Variants in USP34 observed in about 807,000 individuals in gnomAD.
USP34 encodes the protein ubiquitin specific peptidase 34, also known as ubiquitin carboxyl-terminal hydrolase 34.
USP34 carries 70 observed loss-of-function variants against 460.3 expected under a neutral mutation model. The ratio of observed to expected loss-of-function variants is 0.15; its 90% confidence interval spans 0.13 to 0.19. The LOEUF (loss-of-function observed/expected upper bound fraction) is 0.19, where lower values mean the gene tolerates loss of function less well. USP34 is among the 10% of genes least tolerant of loss of function. The pLI, the probability that USP34 is intolerant of heterozygous loss-of-function variation, is 1.00. For missense variants in USP34, 3,985 were observed against 4,236.2 expected (o/e 0.94, Z 1.65); for synonymous variants, 1,647 against 1,405.3 (o/e 1.17, Z -3.85).
chr2:61,380,535 T>C (rs1256670884), intron 6 of USP34, among the ~76,000 whole-genome samples, 174 bp from the exon 7 acceptor site: 1 of 152,224 alleles, frequency 6.6e-6, no homozygotes, highest in Non-Finnish European at 1.5e-5. Flanking sequence ...CCTTCTCTGC[T>C]GTCCAACCTT....
chr2:61,216,689 C>T (rs985342341), intron 67 of USP34, among the ~76,000 whole-genome samples: 18 of 152,086 alleles, frequency 1.2e-4, no homozygotes, highest in Middle Eastern at 3.4e-3. Flanking sequence ...GAGGCCAAGG[C>T]GGGCAGATCA....
intron 21 of USP34, among the ~76,000 whole-genome samples, chr2:61,320,294 C>A (rs917082440): frequency 1.3e-5 from 2 of 152,190 alleles, no homozygotes; most frequent in African/African-American, 4.8e-5. Flanking sequence ...CAGTAACTAA[C>A]CTTGACCAGG....
intron 10 of USP34, among the ~76,000 whole-genome samples, chr2:61,352,193 A>C (rs1338340324): frequency 1.3e-5 from 2 of 152,144 alleles, no homozygotes; most frequent in African/African-American, 2.4e-5. Context: ...TTCAAATTTT[A>C]GAGTTTTGGA....
In USP34 at chr2:61,246,395, C is replaced by T. The variant is rs369617460; in HGVS notation, c.6477G>A (p.Thr2159=). The change falls in exon 50 of 80, where the codon ACG becomes ACA. Residue 2159 remains threonine (T), a synonymous_variant. Coordinates refer to ENST00000398571, the MANE Select transcript of USP34 (RefSeq NM_014709.4). Reference sequence around the variant, plus strand: ...AGCTATAATAGTGTCCACCATCTGCCGTTCCTGTGTGAACAGTCACTCCTA... The same window carrying T: ...AGCTATAATAGTGTCCACCATCTGCTGTTCCTGTGTGAACAGTCACTCCTA... The part of the protein sequence containing the change: ...DLIGVTVHTG[T]ADGGHYYSFI... The T allele has an allele frequency of 5.6e-6, 9 of 1,610,908 alleles. No individual in the cohort carries two copies. Among genetic ancestry groups the T allele is most frequent in the East Asian group, 2.2e-5 (1 of 44,700 alleles).
chr2:61,415,490 G>A (rs975516561), intron 2 of USP34, among the ~76,000 whole-genome samples: 2 of 152,134 alleles, frequency 1.3e-5, no homozygotes, highest in Non-Finnish European at 2.9e-5. Context: ...GAACTGGGGA[G>A]GGTAAAAGAA....
chr2:61,443,493 T>TTA (rs1553392559), intron 1 of USP34, among the ~76,000 whole-genome samples: 10 of 147,804 alleles, frequency 6.8e-5, no homozygotes, highest in East Asian at 3.9e-4. Flanking sequence ...GCAGATGTGT[T>TTA]AAAAAAAAAA....
intron 1 of USP34, among the ~76,000 whole-genome samples, chr2:61,451,568 G>A (rs1695277396): frequency 6.6e-6 from 1 of 151,912 alleles, no homozygotes; most frequent in African/African-American, 2.4e-5. Context: ...TGCAATCCCA[G>A]CTACTCGGAA....
intron 37 of USP34, 117 bp downstream of exon 37, chr2:61,283,028 A>G: frequency 9.6e-7 from 1 of 1,039,328 alleles, no homozygotes; most frequent in Non-Finnish European, 1.4e-6. Context: ...TTAAGCAGAT[A>G]ATGTGATATA....
At chr2:61,423,473 G>C (rs1694421049) in intron 1 of USP34, among the ~76,000 whole-genome samples, 1 of 152,028 alleles carries the variant, frequency 6.6e-6, no homozygotes, top group African/African-American at 2.4e-5. Context: ...GCATCAAAAA[G>C]AAAAATGAAA....
At chr2:61,465,572 G>A (rs958602585) in intron 1 of USP34, among the ~76,000 whole-genome samples, 1 of 152,140 alleles carries the variant, frequency 6.6e-6, no homozygotes, top group African/African-American at 2.4e-5. Context: ...GCCAGGCATG[G>A]TAGCTCATGC....
At chr2:61,363,927 A>G (rs766261863) in intron 10 of USP34, among the ~76,000 whole-genome samples, 4 of 152,214 alleles carry the variant, frequency 2.6e-5, no homozygotes, top group Non-Finnish European at 5.9e-5. Flanking sequence ...TACGCAAAAC[A>G]TTTTCATCAT....
intron 2 of USP34, among the ~76,000 whole-genome samples, chr2:61,410,421 G>A (rs1243176407): frequency 1.3e-5 from 2 of 152,158 alleles, no homozygotes; most frequent in African/African-American, 2.4e-5. Context: ...TGAGCAATGG[G>A]GAATGGCTGT....
At chr2:61,451,586 G>A (rs1195792677) in intron 1 of USP34, among the ~76,000 whole-genome samples, 1 of 151,870 alleles carries the variant, frequency 6.6e-6, no homozygotes, top group East Asian at 1.9e-4. Context: ...GAAGGTTGAG[G>A]CAGGAGAATC....
At chr2:61,418,035 T>C (rs1296942356) in intron 2 of USP34, among the ~76,000 whole-genome samples, 1 of 151,538 alleles carries the variant, frequency 6.6e-6, no homozygotes, top group Non-Finnish European at 1.5e-5. Context: ...GCCATTACCC[T>C]GGGCCTAAAA....
chr2:61,210,640 ATGT>A (rs556157318), intron 69 of USP34, among the ~76,000 whole-genome samples: 227 of 152,330 alleles, frequency 1.5e-3, no homozygotes, highest in Admixed American at 3.4e-3. Flanking sequence ...TACCAGAAAA[ATGT>A]TGTTATAGAC....
At position 61,339,311 on chromosome 2, in the gene USP34, C is replaced by CT. The variant is rs770400718; in HGVS notation, c.2744+39dup. On this transcript the variant is annotated intron_variant, in intron 18 of 79. Coordinates refer to ENST00000398571, the MANE Select transcript of USP34 (RefSeq NM_014709.4). The stretch of plus-strand genomic sequence containing the variant: ...AAGAATGTCCCCCCACACCCAAATA[C>CT]TTTGACTACTGCATTAAAAATTTTT... The CT allele has an allele frequency of 8.8e-6, 14 of 1,587,992 alleles. No homozygotes were observed. In the East Asian group the frequency reaches 2.5e-4, roughly 28 times the overall value.
intron 16 of USP34, among the ~76,000 whole-genome samples, chr2:61,343,128 TC>T (rs1691657437): frequency 6.6e-6 from 1 of 152,230 alleles, no homozygotes; most frequent in Admixed American, 6.5e-5. Context: ...GTACTGGCTA[TC>T]CAAAACCCAT....
Position 61,280,314 on chromosome 2 carries a change from G to A in USP34, c.5186C>T (p.Pro1729Leu). Reference sequence around the variant, plus strand: ...CAACCAAAAATACTCTTTACATCCTGGTTTTAATATTGGTTCTTCCTCATA... The same window carrying A: ...CAACCAAAAATACTCTTTACATCCTAGTTTTAATATTGGTTCTTCCTCATA... ...DDYEEEPILK[P>L]GCKEYFWLLC... Residue 1729 changes from proline to leucine, a missense_variant, in exon 39 of 80, where the codon CCA becomes CTA. By Grantham distance (98) the Pro-to-Leu change is moderately conservative. Transcript: ENST00000398571. The A allele has an allele frequency of 6.5e-7, 1 of 1,546,844 alleles. No homozygotes were observed. Among genetic ancestry groups the A allele is most frequent in the Non-Finnish European group, 8.7e-7 (1 of 1,148,278 alleles).
intron 1 of USP34, among the ~76,000 whole-genome samples, chr2:61,457,234 C>T (rs1029361951): frequency 7.2e-5 from 11 of 152,136 alleles, no homozygotes; most frequent in African/African-American, 2.2e-4. Flanking sequence ...CGTGATCGTG[C>T]CACTGCACTC....
Sources: allele counts gnomAD v4.1 joint callset (sites outside exome capture counted in the v4.1 genomes callset), GRCh38; gene constraint gnomAD v4.1.1; transcripts MANE v1.5; gene names NCBI Gene and HGNC (gene_info 2026-07-23, HGNC 2026-07-21).